The following CBFA2T3 variants were observed in gnomAD, a reference collection of about 807,000 sequenced individuals.
CBFA2T3 encodes transcriptional corepressor CBFA2T3.
A neutral mutation model predicts 58.6 loss-of-function variants in CBFA2T3; 31 were observed. That is an observed-to-expected ratio of 0.53 (90% CI 0.40 to 0.71). The LOEUF (loss-of-function observed/expected upper bound fraction) is 0.71, where lower values mean the gene tolerates loss of function less well. Ranked by LOEUF, CBFA2T3 falls within the 30% of genes least tolerant of loss-of-function variation. The pLI is 0.00. For synonymous variants in CBFA2T3, 531 were observed against 421.9 expected, an observed-to-expected ratio of 1.26 and a Z score of -3.17; for missense variants, 1,076 against 963.1, an observed-to-expected ratio of 1.12 and a Z score of -1.55.
chr16:88,972,009 C>T (rs1014196040), intron 1 of CBFA2T3, among the ~76,000 whole-genome samples: 3 of 152,230 alleles, frequency 2.0e-5, no homozygotes, highest in African/African-American at 7.2e-5. Context: ...CCCCATGGGG[C>T]CACTTCCTCC....
At chr16:88,948,622 A>G (rs551145059) in intron 1 of CBFA2T3, among the ~76,000 whole-genome samples, 60 of 152,364 alleles carry the variant, frequency 3.9e-4, no homozygotes, top group Non-Finnish European at 7.5e-4. Flanking sequence ...CCTGACTCAC[A>G]TCGGCATCGC....
chr16:88,934,503 G>A (rs1032154814), intron 1 of CBFA2T3, among the ~76,000 whole-genome samples: 18 of 152,256 alleles, frequency 1.2e-4, no homozygotes, highest in Non-Finnish European at 2.4e-4. Context: ...CGGCACGGCC[G>A]GCACCATCGG....
At chr16:88,882,579 T>TGGCTGTGTGTGC in intron 8 of CBFA2T3, 97 bp downstream of exon 8, 1 of 392,098 alleles carries the variant, frequency 2.6e-6, no homozygotes. Flanking sequence ...GCTGTGGGCG[T>TGGCTGTGTGTGC]GGCTGTGTGT....
At chr16:88,890,119 T>C (rs1391390514) in intron 5 of CBFA2T3, among the ~76,000 whole-genome samples, 1 of 151,328 alleles carries the variant, frequency 6.6e-6, no homozygotes, top group Non-Finnish European at 1.5e-5. Context: ...CCCTGGACGA[T>C]GCCCCGCGTG....
chr16:88,915,731 AAG>A (rs1319034916), intron 1 of CBFA2T3, among the ~76,000 whole-genome samples: 4 of 26,050 alleles, frequency 1.5e-4, no homozygotes, highest in African/African-American at 6.9e-4. Flanking sequence ...GGGAGCGTGG[AAG>A]GGGGAGCGTG....
At position 88,967,770 on chromosome 16, in the gene CBFA2T3, C is replaced by T. The variant is rs553223565; in HGVS notation, c.151+8887G>A. Among the ~76,000 whole-genome samples the T allele has an allele frequency of 4.5e-3, 682 of 152,294 alleles. 11 individuals carry two copies. The highest frequency in any genetic ancestry group is 0.016 in the African/African-American group (647 of 41,574). On this transcript the variant is annotated intron_variant, in intron 1 of 11. Coordinates refer to ENST00000268679, the MANE Select transcript of CBFA2T3 (RefSeq NM_005187.6). ...GTCAGGCGCACACTGCCTGGGGGCT[C>T]GTCGCGGCTCAGCCCTCACACTGCC... is the stretch of plus-strand genomic sequence containing the variant.
At chr16:88,889,186 G>A (rs1461430029) in intron 5 of CBFA2T3, among the ~76,000 whole-genome samples, 2 of 151,560 alleles carry the variant, frequency 1.3e-5, no homozygotes, top group African/African-American at 2.4e-5. Flanking sequence ...AACTGCAAAC[G>A]ACGCCAGATG....
chr16:88,950,121 CCT>C (rs1480296358), intron 1 of CBFA2T3: 1 of 453,802 alleles, frequency 2.2e-6, no homozygotes, highest in African/African-American at 2.0e-5. Flanking sequence ...TCTCTCTTCA[CCT>C]CTCTTTATCT....
At chr16:88,880,644 C>T in intron 10 of CBFA2T3, 76 bp downstream of exon 10, 1 of 1,236,848 alleles carries the variant, frequency 8.1e-7, no homozygotes, top group Non-Finnish European at 1.2e-6. Flanking sequence ...CTCTTCAAAG[C>T]TGAGCCGGTG....
At chr16:88,929,802 A>G (rs866433432) in intron 1 of CBFA2T3, among the ~76,000 whole-genome samples, 61 of 149,618 alleles carry the variant, frequency 4.1e-4, no homozygotes, top group South Asian at 8.4e-4. Flanking sequence ...CCACAGCTGC[A>G]TGGTCCACAC....
intron 1 of CBFA2T3, among the ~76,000 whole-genome samples, chr16:88,967,309 A>G (rs1216205055): frequency 6.6e-6 from 1 of 152,208 alleles, no homozygotes; most frequent in Admixed American, 6.5e-5. Flanking sequence ...AGGAAATTGC[A>G]AAGGAAAATG....
chr16:88,927,049 A>T (rs1353824639), intron 1 of CBFA2T3, among the ~76,000 whole-genome samples: 1 of 152,164 alleles, frequency 6.6e-6, no homozygotes, highest in Admixed American at 6.5e-5. Flanking sequence ...TTTACCAGAG[A>T]AGCCAGTGTC....
At chr16:88,921,563 G>T (rs1352872667) in intron 1 of CBFA2T3, among the ~76,000 whole-genome samples, 11 of 137,580 alleles carry the variant, frequency 8.0e-5, no homozygotes, top group African/African-American at 2.7e-4. Context: ...TCTGTCTGCA[G>T]CCCCCTGCTC....
At chr16:88,877,380 A>G in intron 11 of CBFA2T3, 105 bp from the exon 12 acceptor site, 2 of 909,612 alleles carry the variant, frequency 2.2e-6, no homozygotes, top group Non-Finnish European at 3.3e-6. Context: ...TCACCAGGTG[A>G]GAAGAGAGAA....
chr16:88,919,510 C>G (rs1323340250), intron 1 of CBFA2T3, among the ~76,000 whole-genome samples: 1 of 152,186 alleles, frequency 6.6e-6, no homozygotes, highest in African/African-American at 2.4e-5. Context: ...AGGCGCTGTC[C>G]CTACCGCCCG....
At chr16:88,896,208 C>G (rs929433653) in intron 3 of CBFA2T3, among the ~76,000 whole-genome samples, 4 of 152,192 alleles carry the variant, frequency 2.6e-5, no homozygotes, top group Non-Finnish European at 4.4e-5. Context: ...CACGCGTGGC[C>G]TCAGACTTTC....
chr16:88,915,195 C>T (rs1290126373), intron 1 of CBFA2T3, among the ~76,000 whole-genome samples: 4 of 50,276 alleles, frequency 8.0e-5, no homozygotes, highest in African/African-American at 8.3e-5. Flanking sequence ...CAGGTGGTGG[C>T]GTGGGTGTGG....
intron 5 of CBFA2T3, among the ~76,000 whole-genome samples, chr16:88,889,274 G>A (rs910278782): frequency 2.7e-5 from 4 of 147,368 alleles, no homozygotes; most frequent in African/African-American, 1.0e-4. Context: ...CGTGGGAGGG[G>A]GCGGAGGAAG....
At position 88,881,274 on chromosome 16, in the gene CBFA2T3, C is replaced by A; in HGVS notation, c.1402+17G>T. The A allele has an allele frequency of 6.3e-7, 1 of 1,594,748 alleles. No homozygotes were observed. ...AGCACCCCGTGTCTGCTCCCTCCCC[C>A]CACACCCCACACGCACCTAGCTGAG... is the stretch of plus-strand genomic sequence containing the variant. On this transcript the variant is annotated intron_variant, in intron 9 of 11. Transcript: ENST00000268679.
Sources: gnomAD v4.1 joint callset for allele counts (sites outside exome capture counted in the v4.1 genomes callset) on GRCh38, gnomAD v4.1.1 for gene constraint, MANE v1.5 for transcripts, NCBI Gene and HGNC (gene_info 2026-07-23, HGNC 2026-07-21) for gene names.